The following KLHDC4 variants were observed in gnomAD, a reference collection of about 807,000 sequenced individuals.
KLHDC4 encodes kelch domain containing 4.
A neutral mutation model predicts 62.4 loss-of-function variants in KLHDC4; 90 were observed. That is an observed-to-expected ratio of 1.44 (90% CI 1.22 to 1.72). The LOEUF is 1.72. Among genes scored for constraint, KLHDC4 ranks in the 40% most tolerant of loss-of-function variants. The pLI is 0.00. For synonymous variants in KLHDC4, 386 were observed against 284.4 expected, an observed-to-expected ratio of 1.36 and a Z score of -3.59; for missense variants, 1,025 against 699.7, an observed-to-expected ratio of 1.47 and a Z score of -5.25.
At chr16:87,708,667 G>C (rs1221028465) in intron 10 of KLHDC4, 2 of 420,096 alleles carry the variant, frequency 4.8e-6, no homozygotes, top group Non-Finnish European at 8.4e-6. Context: ...ACAGAGATCC[G>C]AGACGGCAAA....
chr16:87,726,797 C>G lies in KLHDC4; in HGVS notation c.727G>C (p.Gly243Arg). The G allele has an allele frequency of 1.2e-6, 2 of 1,603,624 alleles. No homozygotes were observed. Among genetic ancestry groups the G allele is most frequent in the Admixed American group, 1.7e-5 (1 of 57,872 alleles). ...GCQMSVTPQG[G>R]IVVYGGYSKQ... Reference sequence around the variant, plus strand: ...GAGTAGCCCCCATAGACGACGATGCCGCCCTGGGGAGTGACGGACATCTGG... The same window carrying G: ...GAGTAGCCCCCATAGACGACGATGCGGCCCTGGGGAGTGACGGACATCTGG... The change falls in exon 7 of 12, where the codon GGC (glycine) becomes CGC (arginine). Residue 243 changes from glycine to arginine, a missense_variant. Transcript: ENST00000270583.
At chr16:87,711,524 A>T in intron 8 of KLHDC4, 81 bp from the exon 9 acceptor site, 1 of 1,242,324 alleles carries the variant, frequency 8.0e-7, no homozygotes, top group East Asian at 2.5e-5. Flanking sequence ...TCAGGACCCC[A>T]GGTGCCCCCC....
chr16:87,740,104 C>T (rs551832566), intron 5 of KLHDC4, among the ~76,000 whole-genome samples: 18 of 152,276 alleles, frequency 1.2e-4, no homozygotes, highest in African/African-American at 3.6e-4. Flanking sequence ...CTCCCCCAAC[C>T]CCCTGCACCT....
rs746681025 is a variant in KLHDC4, at chr16:87,755,278, G to A, written c.285C>T (p.Asn95=). The change falls in exon 4 of 12, where the codon AAC becomes AAT. Residue 95 remains asparagine (N), a synonymous_variant. Transcript: ENST00000270583. ...YFNGQKTFLY[N]ELYVYNTRKD... ...TTCTGGTATTGTAGACATAGAGCTC[G>A]TTATACAAAAAAGTCTACAGGAAGG... is the stretch of plus-strand genomic sequence containing the variant. 16 of 1,596,878 alleles carry A rather than the reference G, an allele frequency of 1.0e-5. No homozygotes were observed. Among genetic ancestry groups the A allele is most frequent in the Admixed American group, 1.7e-5 (1 of 59,722 alleles).
Position 87,765,878 on chromosome 16 carries a change from CCTT to C in KLHDC4, c.10_12del (p.Lys4del), listed in dbSNP as rs772610663. 21 of 1,551,594 alleles carry C rather than the reference CCTT, an allele frequency of 1.4e-5. No homozygotes were observed. The highest frequency in any genetic ancestry group is 1.7e-5 in the Non-Finnish European group (19 of 1,147,040). On this transcript the variant is annotated inframe_deletion, in exon 1 of 12. Coordinates refer to ENST00000270583, the MANE Select transcript of KLHDC4 (RefSeq NM_017566.4). ...CCGCGGCCCTTCTTCTCCTTCTTGC[CCTT>C]CTTGCCCATCTTGCCGGGTCCCAAG...
chr16:87,763,283 ATATAG>A (rs1459541085), intron 1 of KLHDC4, among the ~76,000 whole-genome samples: 1 of 152,230 alleles, frequency 6.6e-6, no homozygotes, highest in Admixed American at 6.5e-5. Flanking sequence ...CCTAAGCAAC[ATATAG>A]TATTGTTTTA....
rs370744310 is a variant in KLHDC4 at position 87,709,616 on chromosome 16, C to T, written c.1096G>A (p.Glu366Lys). 2.4e-5 allele frequency: 39 copies of T among 1,609,826 alleles called. No individual in the cohort carries two copies. Among genetic ancestry groups the T allele is most frequent in the Middle Eastern group, 3.3e-4 (2 of 6,076 alleles). ...CCACACGCCGGCCTGCTACCACCTT[C>T]GGGCTCCTCTTTTCTGCCCCGCCTG... The part of the protein sequence containing the change: ...KRRRGRKEEP[E>K]GGSRPACGGA... Residue 366 changes from glutamate (E) to lysine (K), a missense_variant, in exon 10 of 12, where the codon GAA (glutamate) becomes AAA (lysine). Physicochemically the swap from Glu to Lys is moderately conservative, Grantham distance 56. Transcript: ENST00000270583.
chr16:87,740,544 T>C (rs1344285367), intron 5 of KLHDC4: 1 of 152,162 alleles, frequency 6.6e-6, no homozygotes, highest in Non-Finnish European at 1.5e-5. Flanking sequence ...GGGAGCTGCC[T>C]GCACCCCCAG....
At chr16:87,707,732 G>A (rs144316263), downstream of KLHDC4, 112 of 294,600 alleles carry the variant, frequency 3.8e-4, no homozygotes, top group East Asian at 0.01. Flanking sequence ...CTCGCCCTAG[G>A]CCCAGCCCTG....
At position 87,708,409 on chromosome 16, in the gene KLHDC4, C is replaced by A. The variant is rs763365860; in HGVS notation, c.1505G>T (p.Gly502Val). 2 of 1,612,038 alleles carry A rather than the reference C, an allele frequency of 1.2e-6. No homozygotes were observed. Among genetic ancestry groups the A allele is most frequent in the African/African-American group, 2.7e-5 (2 of 74,916 alleles). ...DSEEDSEEVE[G>V]AEGGVDDEDS... ...TTCGTCGTCGACCCCACCCTCGGCG[C>A]CCTCAACCTCCTCACTGTCCTCTTC... The change falls in exon 11 of 12, where the codon GGC becomes GTC. Residue 502 changes from glycine (G) to valine (V), a missense_variant. Coordinates refer to ENST00000270583, the MANE Select transcript of KLHDC4 (RefSeq NM_017566.4).
downstream of KLHDC4, among the ~76,000 whole-genome samples, chr16:87,704,586 G>A (rs994366845): frequency 1.4e-5 from 2 of 138,962 alleles, no homozygotes; most frequent in South Asian, 2.4e-4. Context: ...GGTCCTGAAC[G>A]TCACGGAGAA....
At chr16:87,708,952 G>C (rs966293319) in intron 10 of KLHDC4, among the ~76,000 whole-genome samples, 1 of 152,250 alleles carries the variant, frequency 6.6e-6, no homozygotes. Flanking sequence ...CCAGGGCCTC[G>C]GGGCCCGGCT....
At chr16:87,758,725 T>A (rs2045404752) in intron 2 of KLHDC4, among the ~76,000 whole-genome samples, 1 of 152,216 alleles carries the variant, frequency 6.6e-6, no homozygotes, top group African/African-American at 2.4e-5. Context: ...CAAATACGTG[T>A]CACGCTGCAT....
intron 4 of KLHDC4, among the ~76,000 whole-genome samples, chr16:87,752,842 T>C (rs1288744542): frequency 1.3e-5 from 2 of 152,220 alleles, no homozygotes; most frequent in Non-Finnish European, 2.9e-5. Context: ...ATAAAACTTC[T>C]ACTCCTGCCC....
intron 5 of KLHDC4, among the ~76,000 whole-genome samples, chr16:87,739,260 A>G (rs2041866697): frequency 1.7e-5 from 2 of 118,128 alleles, no homozygotes; most frequent in Non-Finnish European, 3.5e-5. Flanking sequence ...TCCACACACC[A>G]GCATCTCATC....
At chr16:87,715,710 C>T (rs1004172555) in intron 7 of KLHDC4, among the ~76,000 whole-genome samples, 2 of 152,220 alleles carry the variant, frequency 1.3e-5, no homozygotes, top group African/African-American at 2.4e-5. Context: ...CTCATCACAT[C>T]CCATCAAGGG....
chr16:87,765,862 T>G lies in KLHDC4; in HGVS notation c.29A>C (p.Lys10Thr), dbSNP rs2046591189. 25 of 1,552,392 alleles carry G rather than the reference T, an allele frequency of 1.6e-5. No homozygotes were observed. Among genetic ancestry groups the G allele is most frequent in the Non-Finnish European group, 2.0e-5 (23 of 1,147,298 alleles). ...GGCCGTCTTCTCCGCGCCGCGGCCCTTCTTCTCCTTCTTGCCCTTCTTGCC... is the reference window on the plus strand; with the variant it reads ...GGCCGTCTTCTCCGCGCCGCGGCCCGTCTTCTCCTTCTTGCCCTTCTTGCC... MGKKGKKEK[K>T]GRGAEKTAAK... Residue 10 changes from lysine (K) to threonine (T), a missense_variant, in exon 1 of 12, where the codon AAG (lysine) becomes ACG (threonine). Lys to Thr is a moderately conservative substitution (Grantham distance 78, BLOSUM62 -1). Coordinates refer to ENST00000270583, the MANE Select transcript of KLHDC4 (RefSeq NM_017566.4).
At chr16:87,699,147 C>T (rs936165751) in exon 1 of KLHDC4, 1 of 152,302 alleles carries the variant, frequency 6.6e-6, no homozygotes, top group South Asian at 2.1e-4. Context: ...GACCCTCTGC[C>T]CCGGGGCCTC....
At chr16:87,708,099 G>A in intron 11 of KLHDC4, 24 bp from the exon 12 acceptor site, 2 of 635,258 alleles carry the variant, frequency 3.1e-6, no homozygotes, top group Non-Finnish European at 5.8e-6. Flanking sequence ...AGGAAGGAAT[G>A]AGAGAGAAAC....
Sources: gnomAD v4.1 joint callset for allele counts (sites outside exome capture counted in the v4.1 genomes callset) on GRCh38, gnomAD v4.1.1 for gene constraint, MANE v1.5 for transcripts, NCBI Gene and HGNC (gene_info 2026-07-23, HGNC 2026-07-21) for gene names.